Variants in MS4A4E observed in about 807,000 individuals in gnomAD.
MS4A4E encodes the protein putative membrane-spanning 4-domains subfamily A member 4E.
Under a neutral mutation model 13.3 loss-of-function variants are expected in MS4A4E, and 23 were observed. The ratio of observed to expected loss-of-function variants is 1.73; its 90% CI spans 1.25 to 2.45. MS4A4E has a LOEUF of 2.45. Ranked by LOEUF, MS4A4E falls within the 30% of genes most tolerant of loss-of-function variation. The pLI, the probability that MS4A4E is intolerant of heterozygous loss-of-function variation, is 0.00. For missense variants in MS4A4E, 144 were observed against 131.2 expected, an observed-to-expected ratio of 1.10 and a Z score of -0.48; for synonymous variants, 36 against 45.6, an observed-to-expected ratio of 0.79 and a Z score of 0.85.
At chr11:60,239,880 C>T (rs1235973575) in intron 1 of MS4A4E, among the ~76,000 whole-genome samples, 1 of 152,194 alleles carries the variant, frequency 6.6e-6, no homozygotes, top group Admixed American at 6.5e-5. Context: ...TGAATCCATA[C>T]CCTCAAATTT....
chr11:60,227,967 A>T (rs1036867248), intron 3 of MS4A4E, among the ~76,000 whole-genome samples: 4 of 152,200 alleles, frequency 2.6e-5, no homozygotes, highest in Non-Finnish European at 5.9e-5. Context: ...CACAGACCCA[A>T]ATGTTGAACT....
Position 60,242,901 on chromosome 11 carries a change from A to G in MS4A4E, c.-17+57T>C, listed in dbSNP as rs1429611732. The G allele has an allele frequency of 1.1e-5, 14 of 1,330,922 alleles. No homozygotes were observed. The Admixed American group carries it at 2.2e-4, about 21-fold the overall frequency. The allele number at this position is 1,330,922 out of a possible 1,614,324, so 82.4% of individuals were successfully genotyped here. ...CTCCACTCCCAGAAATCCTAAACCC[A>G]GGAAATGAAACAAACTATCAGTCCG... On this transcript the variant is annotated intron_variant, in intron 1 of 8. Coordinates refer to ENST00000651255, the MANE Select transcript of MS4A4E (RefSeq NM_001393391.1).
intron 3 of MS4A4E, among the ~76,000 whole-genome samples, chr11:60,228,154 A>AT: frequency 6.6e-6 from 1 of 152,342 alleles, no homozygotes; most frequent in South Asian, 2.1e-4. Context: ...AGAAGAAAAG[A>AT]TAAACCACAG....
intron 8 of MS4A4E, among the ~76,000 whole-genome samples, chr11:60,202,361 T>A (rs938532419): frequency 6.6e-6 from 1 of 152,196 alleles, no homozygotes; most frequent in African/African-American, 2.4e-5. Flanking sequence ...AATGACAGAG[T>A]ACACATTTTT....
At chr11:60,224,971 T>G in intron 3 of MS4A4E, 1 of 1,520,628 alleles carries the variant, frequency 6.6e-7, no homozygotes, top group Non-Finnish European at 8.8e-7. Context: ...TTACCATCAC[T>G]GACCCCCAAA....
intron 5 of MS4A4E, among the ~76,000 whole-genome samples, chr11:60,212,551 C>T (rs940757972): frequency 5.9e-5 from 9 of 152,038 alleles, no homozygotes; most frequent in South Asian, 2.1e-4. Context: ...CCTCGTGATC[C>T]GCCTGGCTCG....
Position 60,229,966 on chromosome 11 carries a change from A to C in MS4A4E, c.90T>G (p.Tyr30Ter). Residue 30 changes from tyrosine to a stop codon, truncating the protein, a stop_gained, in exon 2 of 9, where the codon TAT (tyrosine) becomes TAG (stop). Transcript: ENST00000651255. LOFTEE classifies it high-confidence loss of function. ...ACTTCTCTTGCAATCCTTTACACAG[A>C]TATGAATGTATGACATCTATGTTTC... is the stretch of plus-strand genomic sequence containing the variant. ...QLGNIDVIHS[Y>*]LCKGLQEKFF... 1 of 1,613,684 alleles carries C rather than the reference A, an allele frequency of 6.2e-7. No homozygotes were observed. Among genetic ancestry groups the C allele is most frequent in the Non-Finnish European group, 8.5e-7 (1 of 1,179,796 alleles).
At position 60,200,864 on chromosome 11, in the gene MS4A4E, C is replaced by T. The variant is rs566518027; in HGVS notation, c.*679G>A. Among the ~76,000 whole-genome samples, 12 of 150,378 alleles carry T rather than the reference C, an allele frequency of 8.0e-5. No individual in the cohort carries two copies. In the South Asian group the frequency reaches 8.3e-4, roughly 10 times the overall value. ...GGGGCTCCTCACTTCCCAGTAGGGG[C>T]GGCTGGGCAGAGGCACCCCTCACCT... On this transcript the variant is annotated 3_prime_UTR_variant, in exon 9 of 9. Transcript: ENST00000651255.
In MS4A4E at chr11:60,200,929, C is replaced by T. The variant is rs1425829301; in HGVS notation, c.*614G>A. ...CTGGCCGGGCGGGGGGCTGACCCCT[C>T]CACCTCCCTCCCGGACGGGGCGGCT... On this transcript the variant is annotated 3_prime_UTR_variant, in exon 9 of 9. Coordinates refer to ENST00000651255, the MANE Select transcript of MS4A4E (RefSeq NM_001393391.1). 5.7e-4 allele frequency among the ~76,000 whole-genome samples: 84 copies of T among 148,476 alleles called. 1 individual carries two copies. The highest frequency in any genetic ancestry group is 2.0e-3 in the African/African-American group (81 of 40,028).
At chr11:60,221,497 T>G (rs932185705) in intron 3 of MS4A4E, among the ~76,000 whole-genome samples, 12 of 152,228 alleles carry the variant, frequency 7.9e-5, no homozygotes, top group African/African-American at 2.9e-4. Flanking sequence ...CAGATGGCTC[T>G]GCACGATATG....
chr11:60,201,026 C>T lies in MS4A4E; in HGVS notation c.*517G>A, dbSNP rs1227928738. On this transcript the variant is annotated 3_prime_UTR_variant, in exon 9 of 9. Transcript: ENST00000651255. The stretch of plus-strand genomic sequence containing the variant: ...GCTGGCCGGGCAGAGGGCTGACCCC[C>T]CCACCTCCCTCCCAGACGTGGTGGC... Among the ~76,000 whole-genome samples, 1 of 148,134 alleles carries T rather than the reference C, an allele frequency of 6.8e-6. No homozygotes were observed. Among genetic ancestry groups the T allele is most frequent in the African/African-American group, 2.5e-5 (1 of 39,294 alleles).
chr11:60,211,229 T>C (rs1282952080), intron 5 of MS4A4E, among the ~76,000 whole-genome samples: 1 of 152,242 alleles, frequency 6.6e-6, no homozygotes, highest in Non-Finnish European at 1.5e-5. Flanking sequence ...TGCCAATTTC[T>C]AACTGAGTGA....
chr11:60,214,513 C>T, intron 4 of MS4A4E, 58 bp downstream of exon 4: 1 of 1,229,980 alleles, frequency 8.1e-7, no homozygotes, highest in Non-Finnish European at 1.1e-6. Context: ...TATACCCTGG[C>T]AGAATACATT....
At chr11:60,212,531 G>T (rs569033358) in intron 5 of MS4A4E, among the ~76,000 whole-genome samples, 1 of 152,116 alleles carries the variant, frequency 6.6e-6, no homozygotes, top group Non-Finnish European at 1.5e-5. Flanking sequence ...GGATGGTCTC[G>T]ATCTCCTGAC....
At chr11:60,218,391 C>T (rs1353741814) in intron 3 of MS4A4E, among the ~76,000 whole-genome samples, 2 of 152,214 alleles carry the variant, frequency 1.3e-5, no homozygotes, top group Non-Finnish European at 2.9e-5. Flanking sequence ...CTGTGACCCA[C>T]ACCTATTCGC....
At chr11:60,207,885 G>A (rs938440659) in intron 6 of MS4A4E, among the ~76,000 whole-genome samples, 4 of 152,282 alleles carry the variant, frequency 2.6e-5, no homozygotes, top group Non-Finnish European at 5.9e-5. Flanking sequence ...GGGCAGGTGG[G>A]CACAGACTGA....
At chr11:60,234,740 C>T (rs1244212838) in intron 1 of MS4A4E, among the ~76,000 whole-genome samples, 2 of 151,328 alleles carry the variant, frequency 1.3e-5, no homozygotes, top group African/African-American at 2.4e-5. Context: ...CAAAGGGAGA[C>T]AAGAGATGAA....
At chr11:60,239,261 T>A (rs1219066141) in intron 1 of MS4A4E, among the ~76,000 whole-genome samples, 1 of 152,226 alleles carries the variant, frequency 6.6e-6, no homozygotes, top group African/African-American at 2.4e-5. Context: ...CGTAGAGAAA[T>A]TTAATGATGA....
chr11:60,211,325 A>G (rs545820965), intron 5 of MS4A4E, among the ~76,000 whole-genome samples: 1 of 152,348 alleles, frequency 6.6e-6, no homozygotes, highest in East Asian at 1.9e-4. Flanking sequence ...CTTACTATAA[A>G]AAGCATTAGA....
Sources: gnomAD v4.1 joint callset for allele counts (sites outside exome capture counted in the v4.1 genomes callset) on GRCh38, gnomAD v4.1.1 for gene constraint, MANE v1.5 for transcripts, NCBI Gene and HGNC (gene_info 2026-07-23, HGNC 2026-07-21) for gene names.